The following ADGRB1 variants were observed in gnomAD, a reference collection of about 807,000 sequenced individuals.
ADGRB1 encodes adhesion G protein-coupled receptor B1, also known as brain-specific angiogenesis inhibitor 1.
Under a neutral mutation model 175.7 loss-of-function variants are expected in ADGRB1, and 36 were observed. That is an observed-to-expected ratio of 0.20 (90% confidence interval 0.16 to 0.27). ADGRB1 has a LOEUF of 0.27. Ranked by LOEUF, ADGRB1 falls within the 10% of genes least tolerant of loss-of-function variation. The pLI is 1.00. For synonymous variants in ADGRB1, 1,054 were observed against 979.4 expected (o/e 1.08, Z -1.42); for missense variants, 1,731 against 2,255.3 (o/e 0.77, Z 4.71).
intron 20 of ADGRB1, 42 bp downstream of exon 20, chr8:142,520,967 CG>C (rs1563736744): frequency 6.4e-7 from 1 of 1,563,746 alleles, no homozygotes; most frequent in South Asian, 1.1e-5. Context: ...CCAACATCCT[CG>C]GGTGGTGAGG....
At position 142,539,408 on chromosome 8, in the gene ADGRB1, G is replaced by A; in HGVS notation, c.3701G>A (p.Arg1234Lys). 1 of 1,601,122 alleles carries A rather than the reference G, an allele frequency of 6.2e-7. No homozygotes were observed. The highest frequency in any genetic ancestry group is 1.1e-5 in the South Asian group (1 of 88,480). ...DFEKDVDLAC[R>K]SVLNKDIAAC... is the part of the protein sequence containing the mutation. ...GAGAAGGACGTGGATCTGGCCTGTA[G>A]ATCAGGTGAGCGCCCGACAGGTGAG... Residue 1234 changes from arginine to lysine, a missense_variant, in exon 27 of 31, where the codon AGA becomes AAA. By Grantham distance (26) the Arg-to-Lys change is conservative. Coordinates refer to ENST00000517894, the MANE Select transcript of ADGRB1 (RefSeq NM_001702.3).
chr8:142,511,032 C>T lies in ADGRB1; in HGVS notation c.2776C>T (p.Leu926Phe). The part of the protein sequence containing the change: ...ALRTRCLCDR[L>F]STFAILAQLS... ...CCGGACGCGCTGCCTCTGTGACCGG[C>T]TCTCCACCTTCGCCATCTTAGCCCA... Residue 926 changes from leucine to phenylalanine, a missense_variant, in exon 18 of 31, where the codon CTC (leucine) becomes TTC (phenylalanine). Around this residue, in one of 8 missense-constraint regions of ADGRB1, gnomAD observed 77 missense variants for 71.6 expected, o/e 1.08. Transcript: ENST00000517894. This position sits in a 1 kb window ranked among gnomAD's most constrained non-coding sequence, Gnocchi z 4.5. The T allele has an allele frequency of 7.7e-7, 1 of 1,302,880 alleles. No individual in the cohort carries two copies. Among genetic ancestry groups the T allele is most frequent in the Non-Finnish European group, 9.9e-7 (1 of 1,007,870 alleles). 80.7% of individuals were successfully genotyped at this position (1,302,880 alleles called of 1,614,324 possible). A position where few individuals can be genotyped will look rare whatever the true frequency, so the allele number is the denominator to read the frequency against.
At chr8:142,532,055 G>T (rs1844651042) in intron 24 of ADGRB1, among the ~76,000 whole-genome samples, 1 of 152,116 alleles carries the variant, frequency 6.6e-6, no homozygotes, top group South Asian at 2.1e-4. Context: ...TGCCAGCCCT[G>T]GTGTGCCAGC....
In ADGRB1 at chr8:142,476,709, AG is replaced by A. The variant is rs1357607368; in HGVS notation, c.1057+20del. On this transcript the variant is annotated intron_variant, in intron 4 of 30. Transcript: ENST00000517894. ...CCCCCCAGACCGGTGAGCTGGCGGG[AG>A]GGGGGTGGGTGGGACTAGGGCTTTG... 7.1e-6 allele frequency: 11 copies of A among 1,539,544 alleles called. No individual in the cohort carries two copies. Among genetic ancestry groups the A allele is most frequent in the East Asian group, 2.5e-5 (1 of 40,636 alleles).
intron 2 of ADGRB1, among the ~76,000 whole-genome samples, chr8:142,469,649 G>A (rs1367404390): frequency 6.6e-6 from 1 of 151,608 alleles, no homozygotes; most frequent in Non-Finnish European, 1.5e-5. Context: ...GCACGTGCGT[G>A]TGAACGCAAG....
At chr8:142,477,940 G>GTGT (rs1841075850) in intron 6 of ADGRB1, among the ~76,000 whole-genome samples, 2 of 151,068 alleles carry the variant, frequency 1.3e-5, no homozygotes. Flanking sequence ...GGCCCCCAGG[G>GTGT]TGTTCTCACC....
chr8:142,539,525 C>A, intron 27 of ADGRB1, 112 bp downstream of exon 27: 4 of 1,301,286 alleles, frequency 3.1e-6, no homozygotes, highest in Non-Finnish European at 4.3e-6. Flanking sequence ...ACTCCTGCTG[C>A]CCCCACCCAC....
chr8:142,524,408 C>T, intron 23 of ADGRB1, 104 bp downstream of exon 23: 1 of 1,285,194 alleles, frequency 7.8e-7, no homozygotes, highest in Non-Finnish European at 1.1e-6. Flanking sequence ...CACCTGCTGT[C>T]CCTTCAGGAT....
At chr8:142,538,623 G>A (rs560359642) in intron 26 of ADGRB1, among the ~76,000 whole-genome samples, 23 of 152,300 alleles carry the variant, frequency 1.5e-4, no homozygotes, top group Middle Eastern at 3.4e-3. Context: ...GAGCCCCAGG[G>A]CCCCTGGAGA....
Position 142,455,589 on chromosome 8 carries a change from A to C in ADGRB1, c.-220+5485A>C, listed in dbSNP as rs1407184983. On this transcript the variant is annotated intron_variant, in intron 1 of 30. Coordinates refer to ENST00000517894, the MANE Select transcript of ADGRB1 (RefSeq NM_001702.3). The surrounding 1 kb of genome is among the most constrained non-coding windows in gnomAD (Gnocchi z 4.9). ...AGGACCCAGGGATTACTGGGAGCTC[A>C]GAGACTGGGGTGGACCTTGAGATGA... Among the ~76,000 whole-genome samples the C allele has an allele frequency of 6.6e-6, 1 of 152,194 alleles. No individual in the cohort carries two copies. Among genetic ancestry groups the C allele is most frequent in the Non-Finnish European group, 1.5e-5 (1 of 68,044 alleles).
intron 6 of ADGRB1, 30 bp downstream of exon 6, chr8:142,477,579 G>T: frequency 1.3e-6 from 2 of 1,598,512 alleles, no homozygotes; most frequent in Non-Finnish European, 1.7e-6. Context: ...TAGGGGCAGG[G>T]AGGAAGGGAA....
chr8:142,453,535 G>C, intron 1 of ADGRB1, among the ~76,000 whole-genome samples: 1 of 152,172 alleles, frequency 6.6e-6, no homozygotes, highest in Admixed American at 6.5e-5. Context: ...CTGCGCCATC[G>C]GCAGAGCTGT....
intron 24 of ADGRB1, among the ~76,000 whole-genome samples, chr8:142,532,203 C>T (rs1212213937): frequency 6.6e-6 from 1 of 152,180 alleles, no homozygotes; most frequent in Non-Finnish European, 1.5e-5. Flanking sequence ...GACAGTCCTG[C>T]GGGCTGTGGG....
Position 142,475,564 on chromosome 8 carries a change from C to A in ADGRB1, c.875C>A (p.Pro292Gln). Reference sequence around the variant, plus strand: ...CGGACGCGCACCTGCCTGCCCGCGCCGGGCGTGGAGGGCGGCGGCTGCGAG... The same window carrying A: ...CGGACGCGCACCTGCCTGCCCGCGCAGGGCGTGGAGGGCGGCGGCTGCGAG... ...QTRTRTCLPA[P>Q]GVEGGGCEGV... The change falls in exon 3 of 31, where the codon CCG (proline) becomes CAG (glutamine). Residue 292 changes from proline (P) to glutamine (Q), a missense_variant. Physicochemically the swap from Pro to Gln is moderately conservative, Grantham distance 76. Transcript: ENST00000517894. The A allele has an allele frequency of 7.8e-7, 1 of 1,274,316 alleles. No homozygotes were observed. The highest frequency in any genetic ancestry group is 9.9e-7 in the Non-Finnish European group (1 of 1,010,538). The allele number at this position is 1,274,316 out of a possible 1,614,324, so 78.9% of individuals were successfully genotyped here.
Position 142,542,437 on chromosome 8 carries a change from C to T in ADGRB1, c.4203C>T (p.Gly1401=), listed in dbSNP as rs750234165. 1.2e-5 allele frequency: 17 copies of T among 1,467,020 alleles called. No homozygotes were observed. The highest frequency in any genetic ancestry group is 6.0e-5 in the African/African-American group (4 of 67,210). 90.9% of individuals were successfully genotyped at this position (1,467,020 alleles called of 1,614,324 possible). The change falls in exon 28 of 31, where the codon GGC becomes GGT. Residue 1401 remains glycine (G), a synonymous_variant. Transcript: ENST00000517894. This position sits in a 1 kb window ranked among gnomAD's most constrained non-coding sequence, Gnocchi z 6.3. The part of the protein sequence containing the change: ...RSPPSRQPPS[G]GPPEAPPAQP... ...CGCCCTCCCGCCAGCCCCCCAGCGGCGGGCCCCCCGAGGCACCCCCTGCCC... is the reference window on the plus strand; with the variant it reads ...CGCCCTCCCGCCAGCCCCCCAGCGGTGGGCCCCCCGAGGCACCCCCTGCCC...
Position 142,543,219 on chromosome 8 carries a change from G to T in ADGRB1, c.4414-184G>T, listed in dbSNP as rs1845386162. On this transcript the variant is annotated intron_variant, in intron 28 of 30. Coordinates refer to ENST00000517894, the MANE Select transcript of ADGRB1 (RefSeq NM_001702.3). The surrounding 1 kb of genome is among the most constrained non-coding windows in gnomAD (Gnocchi z 4.4). ...AGCCCAGCCTTGGTGCTGCTCGCTG[G>T]CACCCAGCGCATAGCTGGAGGAGCT... Among the ~76,000 whole-genome samples the T allele has an allele frequency of 6.6e-6, 1 of 152,182 alleles. No homozygotes were observed. Among genetic ancestry groups the T allele is most frequent in the Non-Finnish European group, 1.5e-5 (1 of 68,016 alleles).
chr8:142,464,375 C>G lies in ADGRB1; in HGVS notation c.177C>G (p.Ala59=), dbSNP rs926888401. The G allele has an allele frequency of 1.2e-5, 18 of 1,524,084 alleles. No individual in the cohort carries two copies. The highest frequency in any genetic ancestry group is 1.9e-4 in the Middle Eastern group (1 of 5,282). The allele number at this position is 1,524,084 out of a possible 1,614,324, so 94.4% of individuals were successfully genotyped here. A position where few individuals can be genotyped will look rare whatever the true frequency, so the allele number is the denominator to read the frequency against. The change falls in exon 2 of 31, where the codon GCC becomes GCG. Residue 59 remains alanine (A), a synonymous_variant. Transcript: ENST00000517894. ...GKFFGYFSAA[A]VFPANASRCS... Reference sequence around the variant, plus strand: ...TCTTCGGCTACTTCTCCGCGGCCGCCGTGTTCCCGGCCAACGCCTCGCGCT... The same window carrying G: ...TCTTCGGCTACTTCTCCGCGGCCGCGGTGTTCCCGGCCAACGCCTCGCGCT...
intron 23 of ADGRB1, among the ~76,000 whole-genome samples, chr8:142,525,530 C>T (rs970019784): frequency 1.3e-5 from 2 of 152,172 alleles, no homozygotes; most frequent in Admixed American, 6.5e-5. Context: ...CTTCTCTGCT[C>T]CGGCCACATC....
rs190082410 is a variant in ADGRB1, at chr8:142,543,566, T to C, written c.4450-35T>C. The C allele has an allele frequency of 2.5e-3, 3,940 of 1,573,824 alleles. 95 individuals carry two copies. In the African/African-American group the frequency reaches 0.047, roughly 19 times the overall value. ...GGCAGGATGGGCCATGCCCTCCTCC[T>C]GGCCCAGGACTCACTGCCCAGACCC... On this transcript the variant is annotated intron_variant, in intron 29 of 30. Coordinates refer to ENST00000517894, the MANE Select transcript of ADGRB1 (RefSeq NM_001702.3). This position sits in a 1 kb window ranked among gnomAD's most constrained non-coding sequence, Gnocchi z 4.4.
Sources: gnomAD v4.1 joint callset for allele counts (sites outside exome capture counted in the v4.1 genomes callset) on GRCh38, gnomAD v4.1.1 for gene constraint, gnomAD v4.1.1 regional missense constraint, Gnocchi (gnomAD v3.1) non-coding constraint, MANE v1.5 for transcripts, NCBI Gene and HGNC (gene_info 2026-07-23, HGNC 2026-07-21) for gene names.